Variants in BMPR1B observed in about 807,000 individuals in gnomAD.
BMPR1B encodes the protein bone morphogenetic protein receptor type 1B.
BMPR1B carries 12 observed loss-of-function variants against 59.1 expected under a neutral mutation model. The ratio of observed to expected loss-of-function variants is 0.20; its 90% CI spans 0.13 to 0.33. The LOEUF is 0.33. Among genes scored for constraint, BMPR1B ranks in the 10% least tolerant of loss-of-function variants. BMPR1B has a pLI of 1.00. For missense variants in BMPR1B, 550 were observed against 610.9 expected, an observed-to-expected ratio of 0.90 and a Z score of 1.05; for synonymous variants, 237 against 207.3, an observed-to-expected ratio of 1.14 and a Z score of -1.23.
At chr4:94,998,121 A>G (rs1470348777) in intron 3 of BMPR1B, among the ~76,000 whole-genome samples, 2 of 152,172 alleles carry the variant, frequency 1.3e-5, no homozygotes, top group African/African-American at 4.8e-5. Flanking sequence ...GAGTGTTTTA[A>G]AACTTGAAAT....
chr4:94,861,521 G>T (rs541240223), intron 1 of BMPR1B, among the ~76,000 whole-genome samples: 7 of 152,076 alleles, frequency 4.6e-5, no homozygotes, highest in Non-Finnish European at 7.4e-5. Flanking sequence ...CCTGTGCTCA[G>T]CTACCTAAAT....
intron 1 of BMPR1B, among the ~76,000 whole-genome samples, chr4:94,845,443 C>T (rs566319518): frequency 8.5e-4 from 129 of 151,838 alleles, no homozygotes; most frequent in African/African-American, 2.8e-3. Flanking sequence ...CCCGGGTTCA[C>T]GCCATTCTCT....
chr4:94,905,495 T>C (rs1728001596), intron 2 of BMPR1B, among the ~76,000 whole-genome samples: 1 of 151,756 alleles, frequency 6.6e-6, no homozygotes, highest in Non-Finnish European at 1.5e-5. Flanking sequence ...ATCTATATTT[T>C]CTGTCAAGTT....
intron 1 of BMPR1B, among the ~76,000 whole-genome samples, chr4:94,834,671 G>C (rs1724730122): frequency 7.1e-6 from 1 of 140,650 alleles, no homozygotes; most frequent in East Asian, 1.9e-4. Context: ...TTATGAACTG[G>C]AACCAATAAA....
Position 95,010,250 on chromosome 4 carries a change from T to G in BMPR1B, c.-18+14116T>G, listed in dbSNP as rs141077317. 8.0e-3 allele frequency among the ~76,000 whole-genome samples: 1,219 copies of G among 152,284 alleles called. 9 individuals are homozygous for G. Among genetic ancestry groups the G allele is most frequent in the Admixed American group, 0.013 (199 of 15,272 alleles). On this transcript the variant is annotated intron_variant, in intron 3 of 12. Transcript: ENST00000515059. ...ATCACATCTTTCATATTGCTGTTATTCTGTACCTGCCACTGTGTCATTCCT... is the reference window on the plus strand; with the variant it reads ...ATCACATCTTTCATATTGCTGTTATGCTGTACCTGCCACTGTGTCATTCCT...
chr4:94,974,267 C>G (rs1285119442), intron 2 of BMPR1B, among the ~76,000 whole-genome samples: 2 of 152,094 alleles, frequency 1.3e-5, no homozygotes, highest in African/African-American at 4.8e-5. Context: ...TTAACACTTT[C>G]TTCTATTTCT....
chr4:95,051,792 C>T, intron 3 of BMPR1B: 5 of 1,533,960 alleles, frequency 3.3e-6, no homozygotes, highest in Non-Finnish European at 4.4e-6. Flanking sequence ...TCAGTGCCCT[C>T]CACTACAGTG....
chr4:94,837,684 T>C (rs1342780246), intron 1 of BMPR1B, among the ~76,000 whole-genome samples: 3 of 134,564 alleles, frequency 2.2e-5, no homozygotes, highest in African/African-American at 2.9e-5. Context: ...TTTCTAGATA[T>C]ACAATCATGT....
At chr4:94,819,867 A>G (rs182324354) in intron 1 of BMPR1B, among the ~76,000 whole-genome samples, 7 of 152,250 alleles carry the variant, frequency 4.6e-5, no homozygotes, top group Non-Finnish European at 8.8e-5. Context: ...CTAATGAAAT[A>G]TTTTTTTGAA....
At chr4:95,102,896 G>C (rs997830950) in intron 3 of BMPR1B, among the ~76,000 whole-genome samples, 2 of 151,938 alleles carry the variant, frequency 1.3e-5, no homozygotes, top group Non-Finnish European at 2.9e-5. Context: ...ATGAGATCTT[G>C]TTGAATATGC....
chr4:94,943,217 C>G (rs1268576525), intron 2 of BMPR1B, among the ~76,000 whole-genome samples: 1 of 151,848 alleles, frequency 6.6e-6, no homozygotes, highest in African/African-American at 2.4e-5. Context: ...CTCGGCTCAC[C>G]GCAACCTCTG....
intron 3 of BMPR1B, among the ~76,000 whole-genome samples, chr4:95,066,427 T>G (rs1244543389): frequency 6.6e-6 from 1 of 152,234 alleles, no homozygotes; most frequent in East Asian, 1.9e-4. Context: ...TGTTGTGGTA[T>G]TAATAACATA....
At chr4:94,878,745 T>C (rs1042989309) in intron 2 of BMPR1B, among the ~76,000 whole-genome samples, 42 of 151,894 alleles carry the variant, frequency 2.8e-4, no homozygotes, top group Non-Finnish European at 4.7e-4. Context: ...TTTTTTTTTT[T>C]TTTTTTTACT....
At chr4:94,989,776 C>T (rs1721627214) in intron 2 of BMPR1B, among the ~76,000 whole-genome samples, 1 of 152,132 alleles carries the variant, frequency 6.6e-6, no homozygotes, top group East Asian at 1.9e-4. Context: ...AAGTAAGTGG[C>T]TCTGTTTATG....
intron 3 of BMPR1B, among the ~76,000 whole-genome samples, chr4:95,025,490 G>A (rs563117354): frequency 2.0e-4 from 30 of 152,250 alleles, no homozygotes; most frequent in South Asian, 4.2e-4. Context: ...ATGAAGACAA[G>A]GGGTTCAATT....
intron 2 of BMPR1B, among the ~76,000 whole-genome samples, chr4:94,959,751 G>C (rs1194841314): frequency 1.3e-5 from 2 of 152,164 alleles, no homozygotes; most frequent in Admixed American, 1.3e-4. Flanking sequence ...TAAAATGTCA[G>C]GTAATAAAAA....
intron 3 of BMPR1B, among the ~76,000 whole-genome samples, chr4:95,062,745 AC>A (rs937597092): frequency 6.6e-6 from 1 of 152,146 alleles, no homozygotes; most frequent in African/African-American, 2.4e-5. Flanking sequence ...CTCTAGATTT[AC>A]ACATTTGATT....
At position 95,157,524 on chromosome 4, in the gene BMPR1B, C is replaced by T. The variant is rs1735505875; in HGVS notation, c.*2851C>T. On this transcript the variant is annotated 3_prime_UTR_variant, in exon 13 of 13. Transcript: ENST00000515059. ...TTTCAAAGACTAAGAAGAGTTTCTT[C>T]TAACCCCTCCCTCTCAAAGGAATCC... 1 of 151,894 alleles carries T rather than the reference C, an allele frequency of 6.6e-6. No individual in the cohort carries two copies. The highest frequency in any genetic ancestry group is 1.9e-4 in the East Asian group (1 of 5,186). 9.4% of individuals were successfully genotyped at this position (151,894 alleles called of 1,614,324 possible).
chr4:94,846,451 G>GCACAC (rs1725333688), intron 1 of BMPR1B, among the ~76,000 whole-genome samples: 1 of 152,106 alleles, frequency 6.6e-6, no homozygotes, highest in South Asian at 2.1e-4. Flanking sequence ...ATCTGGGTGG[G>GCACAC]CACAATCTAA....
Sources: gnomAD v4.1 joint callset for allele counts (sites outside exome capture counted in the v4.1 genomes callset) on GRCh38, gnomAD v4.1.1 for gene constraint, MANE v1.5 for transcripts, NCBI Gene and HGNC (gene_info 2026-07-23, HGNC 2026-07-21) for gene names.